DPP6: variants seen among roughly 807,000 people sequenced by gnomAD.
DPP6 encodes dipeptidyl peptidase like 6, also known as A-type potassium channel modulatory protein DPP6.
Under a neutral mutation model 122.6 loss-of-function variants are expected in DPP6, and 69 were observed. The observed-to-expected ratio is 0.56, with a 90% CI of 0.46 to 0.69. The LOEUF is 0.69. Among genes scored for constraint, DPP6 ranks in the 30% least tolerant of loss-of-function variants. The probability of loss-of-function intolerance (pLI) is 0.00; values close to 1 mark genes in which losing one functional copy is unlikely to be tolerated. For synonymous variants in DPP6, 418 were observed against 433.1 expected, an observed-to-expected ratio of 0.97 and a Z score of 0.43; for missense variants, 928 against 1,116.9, an observed-to-expected ratio of 0.83 and a Z score of 2.41.
intron 1 of DPP6, among the ~76,000 whole-genome samples, chr7:154,250,781 G>T (rs79266021): frequency 6.6e-6 from 1 of 152,082 alleles, no homozygotes; most frequent in Non-Finnish European, 1.5e-5. Context: ...GGCTAGAAGA[G>T]CCAGGATTGA....
intron 1 of DPP6, among the ~76,000 whole-genome samples, chr7:154,308,765 G>A (rs1362481624): frequency 6.6e-6 from 1 of 152,140 alleles, no homozygotes; most frequent in Non-Finnish European, 1.5e-5. Context: ...CAAATTTATT[G>A]TAGTACATAC....
At chr7:154,114,283 G>T (rs1349788501) in intron 1 of DPP6, among the ~76,000 whole-genome samples, 1 of 152,110 alleles carries the variant, frequency 6.6e-6, no homozygotes, top group South Asian at 2.1e-4. Context: ...TCATGGCCCT[G>T]TCATGCACTG....
chr7:154,377,814 C>T (rs189132060), intron 1 of DPP6, among the ~76,000 whole-genome samples: 11 of 152,296 alleles, frequency 7.2e-5, no homozygotes, highest in Non-Finnish European at 1.3e-4. Flanking sequence ...TGAAAATGGG[C>T]TGATACAATC....
intron 2 of DPP6, among the ~76,000 whole-genome samples, chr7:154,451,075 G>T (rs1446020608): frequency 6.6e-6 from 1 of 152,064 alleles, no homozygotes; most frequent in Non-Finnish European, 1.5e-5. Context: ...ACTCAAGAGT[G>T]GAATAAGGCC....
chr7:154,342,106 T>C (rs1383104446), intron 1 of DPP6, among the ~76,000 whole-genome samples: 1 of 152,170 alleles, frequency 6.6e-6, no homozygotes, highest in African/African-American at 2.4e-5. Context: ...ATTGGTTAAT[T>C]ATGAAGACTG....
chr7:154,384,862 T>G (rs1813949235), intron 1 of DPP6, among the ~76,000 whole-genome samples: 1 of 151,890 alleles, frequency 6.6e-6, no homozygotes, highest in Non-Finnish European at 1.5e-5. Context: ...ATATAGACAG[T>G]GGGATACTCT....
At chr7:154,236,172 T>C (rs1228999369) in intron 1 of DPP6, among the ~76,000 whole-genome samples, 4 of 152,198 alleles carry the variant, frequency 2.6e-5, no homozygotes, top group African/African-American at 9.7e-5. Flanking sequence ...ATCTTTAAAA[T>C]GAGATTAATA....
At chr7:154,289,832 A>G (rs1236955390) in intron 1 of DPP6, among the ~76,000 whole-genome samples, 7 of 152,144 alleles carry the variant, frequency 4.6e-5, no homozygotes, top group African/African-American at 7.2e-5. Context: ...GCGTTATGCC[A>G]TGGGTAGGGT....
chr7:154,768,659 C>T (rs1177014799), intron 8 of DPP6, among the ~76,000 whole-genome samples: 1 of 152,152 alleles, frequency 6.6e-6, no homozygotes, highest in Non-Finnish European at 1.5e-5. Flanking sequence ...GAATAGATAT[C>T]ACACCCTACA....
chr7:154,720,740 G>A (rs1410291684), intron 7 of DPP6, among the ~76,000 whole-genome samples: 1 of 152,240 alleles, frequency 6.6e-6, no homozygotes, highest in Non-Finnish European at 1.5e-5. Flanking sequence ...TGCCCACAGG[G>A]CAAAGGCCAT....
chr7:154,641,659 AC>A (rs1433559254), intron 6 of DPP6, among the ~76,000 whole-genome samples: 2 of 152,192 alleles, frequency 1.3e-5, no homozygotes, highest in Non-Finnish European at 2.9e-5. Context: ...CATAATACAC[AC>A]TTTTAATAAT....
At chr7:154,566,695 A>G in intron 4 of DPP6, 147 bp from the exon 5 acceptor site, 1 of 581,902 alleles carries the variant, frequency 1.7e-6, no homozygotes, top group Non-Finnish European at 3.0e-6. Flanking sequence ...TCAATTAGCT[A>G]AATATTATTC....
intron 2 of DPP6, among the ~76,000 whole-genome samples, chr7:154,459,636 C>T (rs1483881900): frequency 2.0e-5 from 3 of 151,346 alleles, no homozygotes; most frequent in African/African-American, 4.9e-5. Context: ...TTGAGACCAC[C>T]CTGGTCTCCG....
chr7:154,791,655 A>G (rs1321737096), intron 10 of DPP6, among the ~76,000 whole-genome samples: 1 of 152,246 alleles, frequency 6.6e-6, no homozygotes, highest in Non-Finnish European at 1.5e-5. Flanking sequence ...CTTCTAGAAA[A>G]TAACAAACCA....
At chr7:154,044,457 G>GT (rs1439254967) in intron 1 of DPP6, among the ~76,000 whole-genome samples, 1 of 152,144 alleles carries the variant, frequency 6.6e-6, no homozygotes, top group Non-Finnish European at 1.5e-5. Flanking sequence ...TACCTCCTGT[G>GT]TGGGGTATTT....
At chr7:153,865,564 T>A in the DPP6 span, among the ~76,000 whole-genome samples, 1 of 152,208 alleles carries the variant, frequency 6.6e-6, no homozygotes, top group Admixed American at 6.5e-5. Flanking sequence ...TATAAAAATA[T>A]ATCACAAGTA....
At chr7:153,985,459 C>T (rs376041257) in intron 1 of DPP6, among the ~76,000 whole-genome samples, 2 of 152,322 alleles carry the variant, frequency 1.3e-5, no homozygotes, top group East Asian at 1.9e-4. Context: ...TCATTGCTCC[C>T]CGGGTGGCCC....
At chr7:154,881,332 C>G (rs940124942) in intron 21 of DPP6, among the ~76,000 whole-genome samples, 7 of 152,192 alleles carry the variant, frequency 4.6e-5, no homozygotes, top group Admixed American at 4.6e-4. Flanking sequence ...TCTACTTAGA[C>G]GGAAGCACAG....
At chr7:153,777,520 T>A in the DPP6 span, among the ~76,000 whole-genome samples, 4,583 of 118,474 alleles carry the variant, frequency 0.039, 118 homozygotes, top group Middle Eastern at 0.044. Context: ...GATAAATAAG[T>A]GTGGTATATC....
Sources: gnomAD v4.1 joint callset for allele counts (sites outside exome capture counted in the v4.1 genomes callset) on GRCh38, gnomAD v4.1.1 for gene constraint, MANE v1.5 for transcripts, NCBI Gene and HGNC (gene_info 2026-07-23, HGNC 2026-07-21) for gene names.